ZNF83: variants seen among roughly 807,000 people sequenced by gnomAD.
ZNF83 encodes zinc finger protein 816B.
For synonymous variants in ZNF83, 209 were observed against 213.0 expected, an observed-to-expected ratio of 0.98 and a Z score of 0.17; for missense variants, 552 against 629.9, an observed-to-expected ratio of 0.88 and a Z score of 1.32.
At chr19:52,620,290 GTGTA>G (rs1196644492) in intron 2 of ZNF83, among the ~76,000 whole-genome samples, 9 of 146,936 alleles carry the variant, frequency 6.1e-5, no homozygotes, top group African/African-American at 1.3e-4. Context: ...GTGTGTGTGT[GTGTA>G]TATATAGTTT....
intron 2 of ZNF83, among the ~76,000 whole-genome samples, chr19:52,627,362 AAAAG>A (rs2060783127): frequency 6.6e-6 from 1 of 151,904 alleles, no homozygotes; most frequent in Non-Finnish European, 1.5e-5. Context: ...AGAGGCATAA[AAAAG>A]AAAAACTATT....
At chr19:52,684,940 GT>G (rs1369791123) in intron 1 of ZNF83, among the ~76,000 whole-genome samples, 2 of 152,202 alleles carry the variant, frequency 1.3e-5, no homozygotes, top group African/African-American at 4.8e-5. Flanking sequence ...CGGGAAGCCG[GT>G]GGAGGGTTCC....
Position 52,658,445 on chromosome 19 carries a change from A to G in ZNF83, c.-201+2317T>C, listed in dbSNP as rs149285830. Among the ~76,000 whole-genome samples, 99 of 152,272 alleles carry G rather than the reference A, an allele frequency of 6.5e-4. 1 individual carries two copies. The highest frequency in any genetic ancestry group is 2.2e-3 in the African/African-American group (92 of 41,554). Reference sequence around the variant, plus strand: ...GCCAGGTGTGGTGGTGCGCACCTGTAACCTCAGTTACTTGGGAAGCTGAGG... The same window carrying G: ...GCCAGGTGTGGTGGTGCGCACCTGTGACCTCAGTTACTTGGGAAGCTGAGG... On this transcript the variant is annotated intron_variant, in intron 2 of 5. Transcript: ENST00000594682.
intron 1 of ZNF83, among the ~76,000 whole-genome samples, chr19:52,687,556 AAATTT>A (rs2062052840): frequency 2.0e-5 from 1 of 50,550 alleles, no homozygotes; most frequent in African/African-American, 9.8e-5. Flanking sequence ...TTATATGTGT[AAATTT>A]TATATATATA....
chr19:52,673,305 G>A (rs1360062829), intron 1 of ZNF83, among the ~76,000 whole-genome samples: 1 of 152,158 alleles, frequency 6.6e-6, no homozygotes, highest in Non-Finnish European at 1.5e-5. Context: ...AAGAGTTCGA[G>A]ACCAGCCTGA....
intron 1 of ZNF83, among the ~76,000 whole-genome samples, chr19:52,690,150 G>A (rs2147395763): frequency 6.6e-6 from 1 of 150,558 alleles, no homozygotes; most frequent in African/African-American, 2.5e-5. Flanking sequence ...GTTAAAAAGC[G>A]CGGGGCGGGA....
At chr19:52,633,719 T>A (rs766136832) in intron 2 of ZNF83, among the ~76,000 whole-genome samples, 1 of 152,128 alleles carries the variant, frequency 6.6e-6, no homozygotes, top group Non-Finnish European at 1.5e-5. Flanking sequence ...GAGACCAGCC[T>A]GGCCAACATG....
At chr19:52,658,751 C>A (rs12461153) in intron 2 of ZNF83, among the ~76,000 whole-genome samples, 1 of 151,866 alleles carries the variant, frequency 6.6e-6, no homozygotes, top group Non-Finnish European at 1.5e-5. Context: ...CCCAGTTAAG[C>A]CTGTTTACCC....
intron 3 of ZNF83, among the ~76,000 whole-genome samples, chr19:52,647,268 T>C (rs903289327): frequency 3.9e-5 from 6 of 152,202 alleles, no homozygotes; most frequent in Non-Finnish European, 7.3e-5. Flanking sequence ...AGAATGTACA[T>C]GTCTTATAGA....
intron 1 of ZNF83, among the ~76,000 whole-genome samples, chr19:52,662,789 T>C (rs993540290): frequency 3.9e-5 from 6 of 151,984 alleles, no homozygotes; most frequent in African/African-American, 1.5e-4. Context: ...AAGCTCTGAG[T>C]TGAGTCAGAA....
chr19:52,676,978 C>T (rs1172397155), intron 1 of ZNF83, among the ~76,000 whole-genome samples: 1 of 145,070 alleles, frequency 6.9e-6, no homozygotes, highest in Non-Finnish European at 1.5e-5. Flanking sequence ...TAATCAGGGA[C>T]ACAAACACTG....
upstream of ZNF83, among the ~76,000 whole-genome samples, chr19:52,639,072 C>T (rs1445552602): frequency 6.6e-6 from 1 of 152,148 alleles, no homozygotes. Flanking sequence ...AGTTAGTTGT[C>T]CCAGCGTATT....
intron 2 of ZNF83, chr19:52,617,728 C>CAAAAAA: frequency 8.4e-6 from 1 of 118,980 alleles, no homozygotes; most frequent in South Asian, 2.9e-4. Flanking sequence ...GAGATTGTCT[C>CAAAAAA]AAAAAAAAAA....
At chr19:52,622,744 A>G (rs898625667) in intron 2 of ZNF83, among the ~76,000 whole-genome samples, 4 of 152,016 alleles carry the variant, frequency 2.6e-5, no homozygotes, top group African/African-American at 9.7e-5. Flanking sequence ...CTCATTCTCA[A>G]TATGCATTTT....
chr19:52,681,371 G>A (rs1248387720), intron 1 of ZNF83, among the ~76,000 whole-genome samples: 1 of 150,958 alleles, frequency 6.6e-6, no homozygotes, highest in Non-Finnish European at 1.5e-5. Context: ...TTACCTAGAT[G>A]AGCTGAAATA....
At chr19:52,673,596 T>C (rs2061756965) in intron 1 of ZNF83, among the ~76,000 whole-genome samples, 1 of 152,202 alleles carries the variant, frequency 6.6e-6, no homozygotes, top group Non-Finnish European at 1.5e-5. Context: ...TTTTGAAAGC[T>C]GTTTTCCCAA....
chr19:52,629,738 CCCTGA>C (rs2060881781), intron 2 of ZNF83, among the ~76,000 whole-genome samples: 1 of 152,176 alleles, frequency 6.6e-6, no homozygotes, highest in Non-Finnish European at 1.5e-5. Context: ...TTGGCAGCAA[CCCTGA>C]GACACTTTAC....
At chr19:52,647,840 A>C (rs2061392810) in intron 3 of ZNF83, among the ~76,000 whole-genome samples, 2 of 146,432 alleles carry the variant, frequency 1.4e-5, no homozygotes, top group Admixed American at 1.4e-4. Context: ...ATATATTTCC[A>C]CCTCTTCTCC....
chr19:52,637,374 GCT>G (rs1907815561), intron 1 of ZNF83, among the ~76,000 whole-genome samples: 1 of 151,854 alleles, frequency 6.6e-6, no homozygotes, highest in African/African-American at 2.4e-5. Context: ...GCACCACTCT[GCT>G]CTGTCTGCCC....
Sources: allele counts gnomAD v4.1 joint callset (sites outside exome capture counted in the v4.1 genomes callset), GRCh38; gene constraint gnomAD v4.1.1; transcripts MANE v1.5; gene names NCBI Gene and HGNC (gene_info 2026-07-23, HGNC 2026-07-21).